The following PCDHGC4 variants were observed in gnomAD, a reference collection of about 807,000 sequenced individuals.
PCDHGC4 encodes the protein protocadherin gamma subfamily C, 4.
PCDHGC4 carries 15 observed loss-of-function variants against 59.7 expected under a neutral mutation model. The ratio of observed to expected loss-of-function variants is 0.25; its 90% CI spans 0.17 to 0.39. PCDHGC4 has a LOEUF of 0.39. Among genes scored for constraint, PCDHGC4 ranks in the 10% least tolerant of loss-of-function variants. The pLI, the probability that PCDHGC4 is intolerant of heterozygous loss-of-function variation, is 1.00. For synonymous variants in PCDHGC4, 434 were observed against 481.4 expected, an observed-to-expected ratio of 0.90 and a Z score of 1.29; for missense variants, 1,016 against 1,189.5, an observed-to-expected ratio of 0.85 and a Z score of 2.15.
Position 141,490,483 on chromosome 5 carries a change from G to A in PCDHGC4, c.2442+2868G>A. On this transcript the variant is annotated intron_variant, in intron 1 of 3. Transcript: ENST00000306593. The surrounding 1 kb of genome is among the most constrained non-coding windows in gnomAD (Gnocchi z 5.4). ...GCTAACCAGCCAGCCTTTGGACCGG[G>A]AGGCCACATCCCACTATATCATCGA... 2.5e-6 allele frequency: 4 copies of A among 1,614,198 alleles called. No individual in the cohort carries two copies. Among genetic ancestry groups the A allele is most frequent in the Non-Finnish European group, 3.4e-6 (4 of 1,180,046 alleles).
At position 141,491,753 on chromosome 5, in the gene PCDHGC4, C is replaced by T. The variant is rs373728953; in HGVS notation, c.2443-3054C>T. On this transcript the variant is annotated intron_variant, in intron 1 of 3. Coordinates refer to ENST00000306593, the MANE Select transcript of PCDHGC4 (RefSeq NM_018928.3). The surrounding 1 kb of genome is among the most constrained non-coding windows in gnomAD (Gnocchi z 6.9). ...ACCCCTGGGGGCGGCACTGGAGAAGCCGCCCGTCCTCATAAGGGATTGAAC... is the reference window on the plus strand; with the variant it reads ...ACCCCTGGGGGCGGCACTGGAGAAGTCGCCCGTCCTCATAAGGGATTGAAC... 4 of 1,585,146 alleles carry T rather than the reference C, an allele frequency of 2.5e-6. No homozygotes were observed. Among genetic ancestry groups the T allele is most frequent in the East Asian group, 2.3e-5 (1 of 43,412 alleles).
Position 141,511,508 on chromosome 5 carries a change from C to T in PCDHGC4, c.*335C>T, listed in dbSNP as rs1339517659. 7.8e-6 allele frequency: 3 copies of T among 385,970 alleles called. No individual in the cohort carries two copies. Among genetic ancestry groups the T allele is most frequent in the Non-Finnish European group, 1.5e-5 (3 of 206,164 alleles). The allele number at this position is 385,970 out of a possible 1,614,324, so 23.9% of individuals were successfully genotyped here. Reference sequence around the variant, plus strand: ...TCCTCCATCTTCCAAATCAATCAGGCCCATCCATCCCATGCCTCCCTCCTC... The same window carrying T: ...TCCTCCATCTTCCAAATCAATCAGGTCCATCCATCCCATGCCTCCCTCCTC... On this transcript the variant is annotated 3_prime_UTR_variant, in exon 4 of 4. Coordinates refer to ENST00000306593, the MANE Select transcript of PCDHGC4 (RefSeq NM_018928.3).
At position 141,490,490 on chromosome 5, in the gene PCDHGC4, C is replaced by T; in HGVS notation, c.2442+2875C>T. 1 of 1,614,184 alleles carries T rather than the reference C, an allele frequency of 6.2e-7. No homozygotes were observed. The highest frequency in any genetic ancestry group is 8.5e-7 in the Non-Finnish European group (1 of 1,180,028). The stretch of plus-strand genomic sequence containing the variant: ...AGCCAGCCTTTGGACCGGGAGGCCA[C>T]ATCCCACTATATCATCGAGCTGCTG... On this transcript the variant is annotated intron_variant, in intron 1 of 3. Coordinates refer to ENST00000306593, the MANE Select transcript of PCDHGC4 (RefSeq NM_018928.3). The surrounding 1 kb of genome is among the most constrained non-coding windows in gnomAD (Gnocchi z 5.4).
Position 141,485,950 on chromosome 5 carries a change from G to A in PCDHGC4, c.777G>A (p.Met259Ile). ...ISVLESAPAG[M>I]VLIQLNASDP... is the part of the protein sequence containing the mutation. ...TGTTGGAGAGCGCACCAGCGGGCAT[G>A]GTGCTCATCCAGCTCAATGCCTCAG... Residue 259 changes from methionine (M) to isoleucine (I), a missense_variant, in exon 1 of 4, where the codon ATG becomes ATA. Met to Ile is a conservative substitution (Grantham distance 10). Transcript: ENST00000306593. The surrounding 1 kb of genome is among the most constrained non-coding windows in gnomAD (Gnocchi z 5.7). 6.2e-7 allele frequency: 1 copy of A among 1,614,184 alleles called. No individual in the cohort carries two copies. The highest frequency in any genetic ancestry group is 8.5e-7 in the Non-Finnish European group (1 of 1,180,030).
At chr5:141,494,171 G>A (rs72790068) in intron 1 of PCDHGC4, among the ~76,000 whole-genome samples, 9,520 of 152,240 alleles carry the variant, frequency 0.063, 348 homozygotes, top group South Asian at 0.11. Flanking sequence ...TTCTAGGGGT[G>A]AGAAGTGTCC....
chr5:141,507,619 G>T (rs1237918589), intron 3 of PCDHGC4, among the ~76,000 whole-genome samples: 22 of 152,256 alleles, frequency 1.4e-4, no homozygotes, highest in Admixed American at 1.4e-3. Context: ...ATATTTAGCT[G>T]TTGTGGCCTT....
intron 2 of PCDHGC4, among the ~76,000 whole-genome samples, chr5:141,501,751 C>G (rs188896150): frequency 1.4e-3 from 218 of 152,250 alleles, no homozygotes; most frequent in South Asian, 3.1e-3. Flanking sequence ...ATAGGAAGCT[C>G]TCAGTAAATG....
intron 1 of PCDHGC4, among the ~76,000 whole-genome samples, chr5:141,488,541 T>C (rs2099676694): frequency 6.6e-6 from 1 of 152,184 alleles, no homozygotes; most frequent in South Asian, 2.1e-4. Flanking sequence ...CTAAGTCCCA[T>C]GTCAGCTGAC....
Position 141,489,623 on chromosome 5 carries a change from A to T in PCDHGC4, c.2442+2008A>T, listed in dbSNP as rs924162827. On this transcript the variant is annotated intron_variant, in intron 1 of 3. Coordinates refer to ENST00000306593, the MANE Select transcript of PCDHGC4 (RefSeq NM_018928.3). This position sits in a 1 kb window ranked among gnomAD's most constrained non-coding sequence, Gnocchi z 4.5. ...GAGGTAGAGATCCTGGATCTCAATG[A>T]CAACTCTCCTAGCTTTGCCACCCCT... is the stretch of plus-strand genomic sequence containing the variant. The T allele has an allele frequency of 6.2e-7, 1 of 1,614,102 alleles. No homozygotes were observed. Among genetic ancestry groups the T allele is most frequent in the Non-Finnish European group, 8.5e-7 (1 of 1,179,996 alleles).
At position 141,485,275 on chromosome 5, in the gene PCDHGC4, G is replaced by A. The variant is rs77402299; in HGVS notation, c.102G>A (p.Pro34=). The A allele has an allele frequency of 8.7e-6, 14 of 1,613,954 alleles. No homozygotes were observed. In the African/African-American group the frequency reaches 1.1e-4, roughly 12 times the overall value. ...ACGTTTGTGGGCAGATCCGCTACCC[G>A]GTCCCAGAGGAGTCACAGGAAGGGA... ...LGYVCGQIRY[P]VPEESQEGTF... Residue 34 remains proline (P), a synonymous_variant, in exon 1 of 4, where the codon CCG becomes CCA. Transcript: ENST00000306593. The surrounding 1 kb of genome is among the most constrained non-coding windows in gnomAD (Gnocchi z 5.7).
At chr5:141,494,069 C>T (rs1249076667) in intron 1 of PCDHGC4, among the ~76,000 whole-genome samples, 1 of 152,146 alleles carries the variant, frequency 6.6e-6, no homozygotes, top group Non-Finnish European at 1.5e-5. Context: ...GAGCTGGATC[C>T]CTCCCCGCTG....
Position 141,511,208 on chromosome 5 carries a change from C to T in PCDHGC4, c.*35C>T, listed in dbSNP as rs1278180818. 27 of 1,610,922 alleles carry T rather than the reference C, an allele frequency of 1.7e-5. No individual in the cohort carries two copies. Among genetic ancestry groups the T allele is most frequent in the Non-Finnish European group, 2.3e-5 (27 of 1,178,572 alleles). ...CAGGCCAAGAGCCACAGGGCGGCCT[C>T]TCCCCAACCAGCCCAGCTTCTCCTT... On this transcript the variant is annotated 3_prime_UTR_variant, in exon 4 of 4. Coordinates refer to ENST00000306593, the MANE Select transcript of PCDHGC4 (RefSeq NM_018928.3).
chr5:141,489,491 T>C lies in PCDHGC4; in HGVS notation c.2442+1876T>C. On this transcript the variant is annotated intron_variant, in intron 1 of 3. Transcript: ENST00000306593. This position sits in a 1 kb window ranked among gnomAD's most constrained non-coding sequence, Gnocchi z 4.5. ...TCCCTGAGCTTGATGAGTGGTGCCC[T>C]GGCAGTGAATCAAAAGATTGACCGA... The C allele has an allele frequency of 6.2e-7, 1 of 1,614,066 alleles. No individual in the cohort carries two copies. The highest frequency in any genetic ancestry group is 8.5e-7 in the Non-Finnish European group (1 of 1,180,024).
intron 2 of PCDHGC4, among the ~76,000 whole-genome samples, chr5:141,497,390 C>T (rs2099776143): frequency 6.6e-6 from 1 of 152,158 alleles, no homozygotes; most frequent in Non-Finnish European, 1.5e-5. Context: ...GAGCACCTTA[C>T]CCCTGCCTCA....
intron 1 of PCDHGC4, among the ~76,000 whole-genome samples, chr5:141,488,348 C>G (rs1231687770): frequency 3.2e-4 from 49 of 152,106 alleles, no homozygotes; most frequent in Admixed American, 3.2e-3. Context: ...TAGAAACAGC[C>G]ACCCTGTGCA....
chr5:141,502,679 T>C (rs943238781), intron 2 of PCDHGC4, among the ~76,000 whole-genome samples: 1 of 152,236 alleles, frequency 6.6e-6, no homozygotes, highest in Non-Finnish European at 1.5e-5. Flanking sequence ...TAGTATTCCC[T>C]GATGATCCTT....
At position 141,512,951 on chromosome 5, in the gene PCDHGC4, AATAAT is replaced by A. The variant is rs1231390259; in HGVS notation, c.*1780_*1784del. 2.1e-5 allele frequency: 3 copies of A among 141,994 alleles called. No homozygotes were observed. Among genetic ancestry groups the A allele is most frequent in the Non-Finnish European group, 4.8e-5 (3 of 62,372 alleles). The allele number at this position is 141,994 out of a possible 1,614,324, so 8.8% of individuals were successfully genotyped here. A position where few individuals can be genotyped will look rare whatever the true frequency, so the allele number is the denominator to read the frequency against. On this transcript the variant is annotated 3_prime_UTR_variant, in exon 4 of 4. Coordinates refer to ENST00000306593, the MANE Select transcript of PCDHGC4 (RefSeq NM_018928.3). ...TATGGCTTTTTTTCTTCGACAAAAAAATAATAAAACGTTTCTTCTGAAAAGCTGAA... is the reference window on the plus strand; with the variant it reads ...TATGGCTTTTTTTCTTCGACAAAAAAAAAACGTTTCTTCTGAAAAGCTGAA...
At chr5:141,488,738 ATGCAGGAAGT>A (rs771423337) in intron 1 of PCDHGC4, among the ~76,000 whole-genome samples, 1 of 152,222 alleles carries the variant, frequency 6.6e-6, no homozygotes, top group Non-Finnish European at 1.5e-5. Flanking sequence ...TTCTGAAGTC[ATGCAGGAAGT>A]TGCTGGGACA....
intron 1 of PCDHGC4, among the ~76,000 whole-genome samples, chr5:141,488,697 A>T (rs1337725245): frequency 6.6e-6 from 1 of 152,162 alleles, no homozygotes; most frequent in Non-Finnish European, 1.5e-5. Context: ...GAAGGACAAG[A>T]TTTTGCTGGT....
Sources: allele counts gnomAD v4.1 joint callset (sites outside exome capture counted in the v4.1 genomes callset), GRCh38; gene constraint gnomAD v4.1.1; non-coding constraint Gnocchi (gnomAD v3.1); transcripts MANE v1.5; gene names NCBI Gene and HGNC (gene_info 2026-07-23, HGNC 2026-07-21).